GPC5: variants seen among roughly 807,000 people sequenced by gnomAD.
GPC5 encodes the protein glypican 5.
In GPC5, 47 loss-of-function variants were observed where a neutral mutation model predicts 53.9. The ratio of observed to expected loss-of-function variants is 0.87; its 90% CI spans 0.69 to 1.11. The LOEUF (loss-of-function observed/expected upper bound fraction) is 1.11. Ranked by LOEUF, GPC5 falls within the 50% of genes most tolerant of loss-of-function variation. The pLI is 0.00. For synonymous variants in GPC5, 286 were observed against 263.3 expected, an observed-to-expected ratio of 1.09 and a Z score of -0.84; for missense variants, 748 against 713.1, an observed-to-expected ratio of 1.05 and a Z score of -0.56.
At chr13:92,031,545 ATTCT>A (rs938202634) in intron 6 of GPC5, among the ~76,000 whole-genome samples, 3 of 150,146 alleles carry the variant, frequency 2.0e-5, no homozygotes, top group South Asian at 2.1e-4. Context: ...ACCAACATCT[ATTCT>A]TTCTTTCTTT....
rs572255215 is a variant in GPC5, at chr13:92,479,145, T to G, written c.1561+334156T>G. On this transcript the variant is annotated intron_variant, in intron 7 of 7. Coordinates refer to ENST00000377067, the MANE Select transcript of GPC5 (RefSeq NM_004466.6). ...AGTCATATAGAATTGAAAGTCCTAT[T>G]TATAGAGATACTGGTTAAAGCACAG... 2.0e-5 allele frequency among the ~76,000 whole-genome samples: 3 copies of G among 152,226 alleles called. No individual in the cohort carries two copies. The East Asian group carries it at 5.8e-4, about 29-fold the overall frequency.
chr13:91,756,635 A>C (rs1263800783), intron 5 of GPC5, among the ~76,000 whole-genome samples: 1 of 151,884 alleles, frequency 6.6e-6, no homozygotes, highest in Non-Finnish European at 1.5e-5. Context: ...GGTATTTTGA[A>C]AGTCTTCTCT....
rs534353137 is a variant in GPC5 at position 92,494,279 on chromosome 13, C to T, written c.1561+349290C>T. Among the ~76,000 whole-genome samples the T allele has an allele frequency of 3.9e-5, 6 of 152,214 alleles. No individual in the cohort carries two copies. The South Asian group carries it at 1.0e-3, about 26-fold the overall frequency. ...TAATTTTTTGTATCTTTAGTAGAGACGGGGTTTCACCGTGTTAGCCAGGAT... is the reference window on the plus strand; with the variant it reads ...TAATTTTTTGTATCTTTAGTAGAGATGGGGTTTCACCGTGTTAGCCAGGAT... On this transcript the variant is annotated intron_variant, in intron 7 of 7. Transcript: ENST00000377067.
chr13:92,377,049 C>T (rs552135255), intron 7 of GPC5, among the ~76,000 whole-genome samples: 2 of 152,166 alleles, frequency 1.3e-5, no homozygotes, highest in South Asian at 2.1e-4. Flanking sequence ...ACTTCCCTGA[C>T]TGAAGTAAGA....
intron 6 of GPC5, among the ~76,000 whole-genome samples, chr13:91,956,035 C>T (rs1418676869): frequency 6.6e-6 from 1 of 152,136 alleles, no homozygotes; most frequent in Non-Finnish European, 1.5e-5. Context: ...AACCACCCTC[C>T]CCAGCCACTG....
At position 92,153,197 on chromosome 13, in the gene GPC5, A is replaced by G. The variant is rs571299085; in HGVS notation, c.1561+8208A>G. 1.2e-4 allele frequency among the ~76,000 whole-genome samples: 19 copies of G among 152,208 alleles called. No homozygotes were observed. The South Asian group carries it at 1.7e-3, about 13-fold the overall frequency. ...ACCTAGGCTGGAGTGCAGTGGCGCA[A>G]TCTCAGCTCACTGCAACTTCCGCCT... On this transcript the variant is annotated intron_variant, in intron 7 of 7. Transcript: ENST00000377067.
At chr13:92,485,860 G>A (rs1313272660) in intron 7 of GPC5, among the ~76,000 whole-genome samples, 3 of 152,190 alleles carry the variant, frequency 2.0e-5, no homozygotes, top group African/African-American at 7.2e-5. Context: ...CAGCTACTCT[G>A]GAGGCTGAGG....
intron 7 of GPC5, among the ~76,000 whole-genome samples, chr13:92,637,352 C>A (rs918734262): frequency 5.9e-5 from 9 of 152,054 alleles, no homozygotes; most frequent in Admixed American, 5.9e-4. Flanking sequence ...AGGGGATGTA[C>A]AGATTTATTG....
At position 91,703,564 on chromosome 13, in the gene GPC5, G is replaced by T. The variant is rs2036037487; in HGVS notation, c.1020+9683G>T. Among the ~76,000 whole-genome samples the T allele has an allele frequency of 2.0e-5, 3 of 152,188 alleles. No individual in the cohort carries two copies. In the South Asian group the frequency reaches 6.2e-4, roughly 32 times the overall value. ...TATGGTTTGCCAGCATTTTGTTGAA[G>T]ATTTTTGAATCTGTGTTCATAAGGG... On this transcript the variant is annotated intron_variant, in intron 3 of 7. Transcript: ENST00000377067.
chr13:92,115,274 C>T (rs951918463), intron 6 of GPC5, among the ~76,000 whole-genome samples: 7 of 152,070 alleles, frequency 4.6e-5, no homozygotes, highest in East Asian at 3.8e-4. Flanking sequence ...TTCGGGAGGC[C>T]GAGGTGGGTA....
intron 7 of GPC5, among the ~76,000 whole-genome samples, chr13:92,269,567 G>A (rs901569840): frequency 2.0e-4 from 31 of 152,102 alleles, no homozygotes; most frequent in South Asian, 1.5e-3. Flanking sequence ...CACCATGCCC[G>A]GCTAAGTTTC....
chr13:92,790,531 T>C (rs1594509310), intron 7 of GPC5, among the ~76,000 whole-genome samples: 2 of 152,042 alleles, frequency 1.3e-5, no homozygotes, highest in African/African-American at 2.4e-5. Flanking sequence ...AAAAAGAAAA[T>C]TAAGTGTGCT....
At chr13:92,113,120 C>T (rs1165215295) in intron 6 of GPC5, among the ~76,000 whole-genome samples, 2 of 151,982 alleles carry the variant, frequency 1.3e-5, no homozygotes, top group Non-Finnish European at 2.9e-5. Flanking sequence ...TTTTACTTCT[C>T]TTTTCTTTTT....
intron 7 of GPC5, among the ~76,000 whole-genome samples, chr13:92,728,097 A>G (rs1566388014): frequency 6.6e-6 from 1 of 151,522 alleles, no homozygotes; most frequent in Non-Finnish European, 1.5e-5. Flanking sequence ...CCATAGAATG[A>G]CAAAAAAATT....
chr13:92,508,995 T>C (rs893791733), intron 7 of GPC5, among the ~76,000 whole-genome samples: 2 of 152,098 alleles, frequency 1.3e-5, no homozygotes, highest in Admixed American at 1.3e-4. Flanking sequence ...GTGAACAAGA[T>C]AGAGAAAAAC....
At chr13:91,650,943 G>C (rs955343107) in intron 2 of GPC5, among the ~76,000 whole-genome samples, 5 of 151,878 alleles carry the variant, frequency 3.3e-5, no homozygotes, top group Admixed American at 6.6e-5. Context: ...TATTAATATT[G>C]AGTATATTTC....
intron 7 of GPC5, among the ~76,000 whole-genome samples, chr13:92,647,747 T>C (rs545443193): frequency 1.3e-5 from 2 of 152,164 alleles, no homozygotes; most frequent in South Asian, 2.1e-4. Context: ...GTATCTTTAA[T>C]TGAGAATAAT....
At chr13:92,671,490 A>AT (rs1458829235) in intron 7 of GPC5, among the ~76,000 whole-genome samples, 21 of 152,186 alleles carry the variant, frequency 1.4e-4, no homozygotes, top group Non-Finnish European at 2.1e-4. Context: ...CCTTTGTACT[A>AT]TTTTTTCTGT....
chr13:91,508,605 G>A (rs1218868635), intron 2 of GPC5, among the ~76,000 whole-genome samples: 1 of 152,122 alleles, frequency 6.6e-6, no homozygotes, highest in African/African-American at 2.4e-5. Flanking sequence ...CCTGCTCTGT[G>A]TCACGCCCAG....
Sources: allele counts gnomAD v4.1 joint callset (sites outside exome capture counted in the v4.1 genomes callset), GRCh38; gene constraint gnomAD v4.1.1; transcripts MANE v1.5; gene names NCBI Gene and HGNC (gene_info 2026-07-23, HGNC 2026-07-21).